Variants in BCL2 observed in about 807,000 individuals in gnomAD.
BCL2 encodes the protein apoptosis regulator Bcl-2.
BCL2 carries 1 observed loss-of-function variant against 14.2 expected under a neutral mutation model. That is an observed-to-expected ratio of 0.07 (90% confidence interval 0.02 to 0.33). The LOEUF (loss-of-function observed/expected upper bound fraction) is 0.33, where lower values mean the gene tolerates loss of function less well. Ranked by LOEUF, BCL2 falls within the 10% of genes least tolerant of loss-of-function variation. The pLI, the probability that BCL2 is intolerant of heterozygous loss-of-function variation, is 0.99. For synonymous variants in BCL2, 151 were observed against 137.2 expected (o/e 1.10, Z -0.70); for missense variants, 247 against 305.9 (o/e 0.81, Z 1.44).
In BCL2 at chr18:63,319,533, C is replaced by A. The variant is rs1368939420; in HGVS notation, c.-646G>T. On this transcript the variant is annotated 5_prime_UTR_variant, in exon 1 of 3. Transcript: ENST00000333681. ...TCGGCAATTTACACGCGCGCACACA[C>A]GCGCGGGCACAGGCATGAATCTCTA... The A allele has an allele frequency of 4.4e-6, 1 of 229,162 alleles. No individual in the cohort carries two copies. Among genetic ancestry groups the A allele is most frequent in the African/African-American group, 2.2e-5 (1 of 45,076 alleles). 14.2% of individuals were successfully genotyped at this position (229,162 alleles called of 1,614,324 possible). A position where few individuals can be genotyped will look rare whatever the true frequency, so the allele number is the denominator to read the frequency against.
chr18:63,268,682 T>C (rs1275945576), intron 2 of BCL2, among the ~76,000 whole-genome samples: 1 of 152,234 alleles, frequency 6.6e-6, no homozygotes, highest in Non-Finnish European at 1.5e-5. Context: ...CAACTTCATT[T>C]TGGAGGTTTG....
At chr18:63,155,949 G>A (rs1487437437) in intron 2 of BCL2, among the ~76,000 whole-genome samples, 1 of 152,178 alleles carries the variant, frequency 6.6e-6, no homozygotes, top group Non-Finnish European at 1.5e-5. Context: ...TGGGCCATTG[G>A]TGTGACCAAG....
chr18:63,214,812 G>C (rs1369207318), intron 2 of BCL2, among the ~76,000 whole-genome samples: 1 of 152,088 alleles, frequency 6.6e-6, no homozygotes, highest in Non-Finnish European at 1.5e-5. Context: ...CTGGTTTCAA[G>C]TGTTTCTCAT....
intron 2 of BCL2, among the ~76,000 whole-genome samples, chr18:63,310,107 C>T (rs1269727261): frequency 6.6e-6 from 1 of 152,152 alleles, no homozygotes. Flanking sequence ...AAGTGATCCA[C>T]CCACCTTGAG....
chr18:63,302,944 C>G (rs576289521), intron 2 of BCL2: 1 of 940,594 alleles, frequency 1.1e-6, no homozygotes, highest in Non-Finnish European at 1.3e-6. Context: ...TTGATACGCC[C>G]TGGTTGCTGA....
intron 2 of BCL2, among the ~76,000 whole-genome samples, chr18:63,306,016 A>C (rs1913119279): frequency 6.6e-6 from 1 of 152,174 alleles, no homozygotes. Flanking sequence ...TCGAGGCAGC[A>C]GTGAACCGAT....
At chr18:63,134,939 T>C (rs550926861) in intron 2 of BCL2, among the ~76,000 whole-genome samples, 60 of 152,314 alleles carry the variant, frequency 3.9e-4, no homozygotes, top group South Asian at 1.2e-3. Context: ...ATGACAACTT[T>C]AGGGTTAGGA....
At chr18:63,192,056 A>G (rs1251221179) in intron 2 of BCL2, among the ~76,000 whole-genome samples, 1 of 152,240 alleles carries the variant, frequency 6.6e-6, no homozygotes, top group Non-Finnish European at 1.5e-5. Context: ...TGTCGGGACT[A>G]TGACAGGCAT....
At chr18:63,285,392 C>T (rs937514775) in intron 2 of BCL2, among the ~76,000 whole-genome samples, 2 of 152,146 alleles carry the variant, frequency 1.3e-5, no homozygotes, top group African/African-American at 2.4e-5. Flanking sequence ...TCTGGCTGAC[C>T]TCTGAAACTG....
intron 2 of BCL2, among the ~76,000 whole-genome samples, chr18:63,309,492 C>A (rs975204568): frequency 1.3e-5 from 2 of 152,136 alleles, no homozygotes; most frequent in African/African-American, 4.8e-5. Context: ...AGTCCTGATT[C>A]TTTCCCTCCC....
At position 63,224,032 on chromosome 18, in the gene BCL2, T is replaced by C. The variant is rs4987779; in HGVS notation, c.585+94050A>G. Among the ~76,000 whole-genome samples, 906 of 151,796 alleles carry C rather than the reference T, an allele frequency of 6.0e-3. 4 individuals carry two copies. Among genetic ancestry groups the C allele is most frequent in the Non-Finnish European group, 0.01 (691 of 67,956 alleles). On this transcript the variant is annotated intron_variant, in intron 2 of 2. Coordinates refer to ENST00000333681, the MANE Select transcript of BCL2 (RefSeq NM_000633.3). Reference sequence around the variant, plus strand: ...CAGAAAACTAAGAGAATGACACACATCCTGAAAACAGAACAGAATGCTTAA... The same window carrying C: ...CAGAAAACTAAGAGAATGACACACACCCTGAAAACAGAACAGAATGCTTAA...
intron 2 of BCL2, among the ~76,000 whole-genome samples, chr18:63,193,599 T>G (rs896212415): frequency 2.7e-5 from 4 of 150,578 alleles, no homozygotes; most frequent in Admixed American, 2.6e-4. Flanking sequence ...TGTGTGTGTG[T>G]GTGTGTGTGT....
chr18:63,235,870 C>CTA lies in BCL2; in HGVS notation c.585+82210_585+82211dup, dbSNP rs552414659. ...TCTTTCACATGTGTGTATCCTTAAACTATATATATATATTTTTAAATGTAT... is the reference window on the plus strand; with the variant it reads ...TCTTTCACATGTGTGTATCCTTAAACTATATATATATATATTTTTAAATGTAT... On this transcript the variant is annotated intron_variant, in intron 2 of 2. Coordinates refer to ENST00000333681, the MANE Select transcript of BCL2 (RefSeq NM_000633.3). Among the ~76,000 whole-genome samples the CTA allele has an allele frequency of 6.4e-4, 96 of 150,912 alleles. No homozygotes were observed. The East Asian group carries it at 0.016, about 26-fold the overall frequency.
chr18:63,204,892 G>A (rs935815683), intron 2 of BCL2, among the ~76,000 whole-genome samples: 1 of 152,114 alleles, frequency 6.6e-6, no homozygotes, highest in Non-Finnish European at 1.5e-5. Context: ...GTAAGAAAGG[G>A]AAAATTTTAA....
chr18:63,307,983 A>T (rs1913192526), intron 2 of BCL2, among the ~76,000 whole-genome samples: 1 of 152,246 alleles, frequency 6.6e-6, no homozygotes, highest in African/African-American at 2.4e-5. Context: ...CAAACAGATG[A>T]CAACTGATGA....
intron 2 of BCL2, chr18:63,313,829 T>C (rs1913411585): frequency 6.6e-6 from 1 of 152,168 alleles, no homozygotes; most frequent in Admixed American, 6.5e-5. Flanking sequence ...TTATTTTTAA[T>C]TTATGGCTTT....
chr18:63,226,394 A>C (rs879813996), intron 2 of BCL2, among the ~76,000 whole-genome samples: 21 of 152,028 alleles, frequency 1.4e-4, no homozygotes, highest in Non-Finnish European at 2.5e-4. Context: ...CCTCACTGGG[A>C]CCCACCCTCT....
intron 2 of BCL2, among the ~76,000 whole-genome samples, chr18:63,293,389 T>A (rs1426195209): frequency 6.6e-6 from 1 of 151,996 alleles, no homozygotes; most frequent in Non-Finnish European, 1.5e-5. Context: ...CATAGGAAAA[T>A]CCCCAATATG....
At chr18:63,229,136 A>G (rs1225243584) in intron 2 of BCL2, among the ~76,000 whole-genome samples, 1 of 152,236 alleles carries the variant, frequency 6.6e-6, no homozygotes, top group African/African-American at 2.4e-5. Flanking sequence ...AATTAACTAC[A>G]AGAAAGTAAC....
Sources: allele counts gnomAD v4.1 joint callset (sites outside exome capture counted in the v4.1 genomes callset), GRCh38; gene constraint gnomAD v4.1.1; transcripts MANE v1.5; gene names NCBI Gene and HGNC (gene_info 2026-07-23, HGNC 2026-07-21).